The following GRIK1 variants were observed in gnomAD, a reference collection of about 807,000 sequenced individuals.
GRIK1 encodes glutamate receptor ionotropic, kainate 1.
In GRIK1, 69 loss-of-function variants were observed where a neutral mutation model predicts 105.7. That is an observed-to-expected ratio of 0.65 (90% CI 0.54 to 0.80). The LOEUF (loss-of-function observed/expected upper bound fraction) is 0.80, where lower values mean the gene tolerates loss of function less well. GRIK1 is among the 30% of genes least tolerant of loss of function. GRIK1 has a pLI of 0.00. For missense variants in GRIK1, 1,109 were observed against 1,167.3 expected (o/e 0.95, Z 0.73); for synonymous variants, 438 against 431.3 (o/e 1.02, Z -0.19).
chr21:29,694,187 C>T (rs1354571545), intron 1 of GRIK1, 124 bp from the exon 2 acceptor site: 14 of 643,014 alleles, frequency 2.2e-5, no homozygotes, highest in African/African-American at 1.9e-4. Context: ...TGCAATGGCA[C>T]GATCTCAGCT....
chr21:29,758,438 C>A (rs1299439923), intron 1 of GRIK1, among the ~76,000 whole-genome samples: 1 of 152,128 alleles, frequency 6.6e-6, no homozygotes, highest in African/African-American at 2.4e-5. Flanking sequence ...AAACCATCAG[C>A]TCTTATGAGA....
chr21:29,682,014 C>T (rs2063389518), intron 3 of GRIK1, among the ~76,000 whole-genome samples: 1 of 152,206 alleles, frequency 6.6e-6, no homozygotes, highest in Non-Finnish European at 1.5e-5. Context: ...ATCCTTATAT[C>T]AGGACCTGCC....
At chr21:29,830,328 C>A (rs371973948) in intron 1 of GRIK1, among the ~76,000 whole-genome samples, 28,736 of 129,350 alleles carry the variant, frequency 0.22, 2,899 homozygotes, top group African/African-American at 0.27. Context: ...CACACACACA[C>A]ACACACACAC....
intron 1 of GRIK1, among the ~76,000 whole-genome samples, chr21:29,764,220 G>A (rs1018815764): frequency 6.6e-6 from 1 of 152,134 alleles, no homozygotes; most frequent in Non-Finnish European, 1.5e-5. Context: ...TTGGTAGGAT[G>A]GGGACAGAAG....
At chr21:29,839,467 TA>T (rs2067914012) in intron 1 of GRIK1, among the ~76,000 whole-genome samples, 1 of 152,196 alleles carries the variant, frequency 6.6e-6, no homozygotes, top group South Asian at 2.1e-4. Context: ...TTTGGTAGAC[TA>T]TATTGATAGT....
intron 1 of GRIK1, among the ~76,000 whole-genome samples, chr21:29,923,829 T>C (rs1172233734): frequency 6.6e-6 from 1 of 152,068 alleles, no homozygotes; most frequent in Admixed American, 6.5e-5. Flanking sequence ...GAGGAGATGA[T>C]TAGGATTACA....
At chr21:29,904,706 G>A (rs1187381991) in intron 1 of GRIK1, among the ~76,000 whole-genome samples, 2 of 152,086 alleles carry the variant, frequency 1.3e-5, no homozygotes, top group Non-Finnish European at 2.9e-5. Flanking sequence ...TGAACTCCCC[G>A]GAAGCATGTG....
chr21:29,858,970 GTTGTATCAC>G (rs2068550076), intron 1 of GRIK1, among the ~76,000 whole-genome samples: 1 of 148,422 alleles, frequency 6.7e-6, no homozygotes. Context: ...TAGAATTTAT[GTTGTATCAC>G]TTTCCTGAGA....
At chr21:29,767,930 T>C (rs1438768212) in intron 1 of GRIK1, among the ~76,000 whole-genome samples, 2 of 150,524 alleles carry the variant, frequency 1.3e-5, no homozygotes, top group African/African-American at 4.9e-5. Flanking sequence ...GGAAAGACAA[T>C]AAGAGACAGA....
At chr21:29,867,931 AG>A (rs2068875472) in intron 1 of GRIK1, among the ~76,000 whole-genome samples, 1 of 138,018 alleles carries the variant, frequency 7.2e-6, no homozygotes. Context: ...AGAGAAAGAG[AG>A]AGAAAGAGAG....
chr21:29,598,801 TTTTA>T, intron 8 of GRIK1, 25 bp downstream of exon 8: 7 of 988,912 alleles, frequency 7.1e-6, no homozygotes, highest in Non-Finnish European at 1.1e-5. Flanking sequence ...TCATTTGTTA[TTTTA>T]TTTATTTATT....
intron 14 of GRIK1, among the ~76,000 whole-genome samples, chr21:29,573,853 G>GA (rs35503363): frequency 0.087 from 9,953 of 114,036 alleles, 390 homozygotes; most frequent in East Asian, 0.14. Context: ...ACTCCGTCTG[G>GA]AAAAAAAAAA....
At chr21:29,853,612 C>T (rs1016268538) in intron 1 of GRIK1, among the ~76,000 whole-genome samples, 1 of 152,230 alleles carries the variant, frequency 6.6e-6, no homozygotes, top group Admixed American at 6.5e-5. Context: ...AATAGGCCAA[C>T]TATGCTTTCC....
chr21:29,671,804 C>A (rs1380616409), intron 4 of GRIK1, among the ~76,000 whole-genome samples: 2 of 152,056 alleles, frequency 1.3e-5, no homozygotes, highest in Admixed American at 1.3e-4. Context: ...ATAAATATAA[C>A]CTGGATATTT....
intron 1 of GRIK1, among the ~76,000 whole-genome samples, chr21:29,884,594 CA>C (rs2069541386): frequency 6.6e-6 from 1 of 151,946 alleles, no homozygotes; most frequent in Non-Finnish European, 1.5e-5. Flanking sequence ...AAGTGGGTGC[CA>C]ATGTTTCTAA....
intron 1 of GRIK1, among the ~76,000 whole-genome samples, chr21:29,914,379 G>T (rs921292136): frequency 6.6e-6 from 1 of 152,010 alleles, no homozygotes; most frequent in African/African-American, 2.4e-5. Flanking sequence ...GAAAGCTCCC[G>T]AAGTAAGGCA....
At chr21:29,674,261 A>AT (rs34189201) in intron 3 of GRIK1, among the ~76,000 whole-genome samples, 21,491 of 135,662 alleles carry the variant, frequency 0.16, 2,286 homozygotes, top group African/African-American at 0.35. Context: ...TTATGTAGCT[A>AT]TTTTTTTTTT....
chr21:29,581,361 A>G (rs2050958258), intron 13 of GRIK1, 64 bp downstream of exon 13: 7 of 919,922 alleles, frequency 7.6e-6, no homozygotes, highest in Non-Finnish European at 1.3e-5. Flanking sequence ...GGTGGAGTTT[A>G]CCAGCATGAA....
chr21:29,925,990 G>C (rs370133150), intron 1 of GRIK1, among the ~76,000 whole-genome samples: 1 of 151,756 alleles, frequency 6.6e-6, no homozygotes, highest in Non-Finnish European at 1.5e-5. Flanking sequence ...TATACCACTC[G>C]TTTGTAAATG....
Sources: allele counts gnomAD v4.1 joint callset (sites outside exome capture counted in the v4.1 genomes callset), GRCh38; gene constraint gnomAD v4.1.1; transcripts MANE v1.5; gene names NCBI Gene and HGNC (gene_info 2026-07-23, HGNC 2026-07-21).